The following ADAM23 variants were observed in gnomAD, a reference collection of about 807,000 sequenced individuals.
The protein encoded by ADAM23 is disintegrin and metalloproteinase domain-containing protein 23.
ADAM23 carries 33 observed loss-of-function variants against 120.1 expected under a neutral mutation model. The ratio of observed to expected loss-of-function variants is 0.27; its 90% CI spans 0.21 to 0.37. ADAM23 has a LOEUF of 0.37. ADAM23 is among the 10% of genes least tolerant of loss of function. The pLI, the probability that ADAM23 is intolerant of heterozygous loss-of-function variation, is 1.00. For missense variants in ADAM23, 862 were observed against 1,058.2 expected (o/e 0.81, Z 2.57); for synonymous variants, 367 against 375.2 (o/e 0.98, Z 0.25).
chr2:206,506,961 A>G (rs1415123561), intron 3 of ADAM23, among the ~76,000 whole-genome samples: 1 of 152,230 alleles, frequency 6.6e-6, no homozygotes, highest in Non-Finnish European at 1.5e-5. Flanking sequence ...GATGGCTGAA[A>G]TCATTTTTAA....
chr2:206,539,418 G>A (rs919645494), intron 4 of ADAM23, among the ~76,000 whole-genome samples: 10 of 152,194 alleles, frequency 6.6e-5, no homozygotes, highest in Middle Eastern at 3.2e-3. Context: ...GGTGGTCAGG[G>A]CCAGCCCTCT....
chr2:206,580,971 A>G (rs1468104451), intron 18 of ADAM23, among the ~76,000 whole-genome samples: 1 of 152,154 alleles, frequency 6.6e-6, no homozygotes, highest in Admixed American at 6.5e-5. Context: ...GAATTTATCC[A>G]TCCCTTCTAG....
intron 3 of ADAM23, among the ~76,000 whole-genome samples, chr2:206,511,567 GCATAATCAGGA>G (rs1696623998): frequency 6.6e-6 from 1 of 152,150 alleles, no homozygotes; most frequent in Non-Finnish European, 1.5e-5. Context: ...CTCCCTAGGG[GCATAATCAGGA>G]CAGTGGAGCT....
At chr2:206,566,836 A>G (rs1169095807) in intron 14 of ADAM23, among the ~76,000 whole-genome samples, 3 of 133,970 alleles carry the variant, frequency 2.2e-5, no homozygotes, top group Non-Finnish European at 4.9e-5. Context: ...AGCTCCTTTT[A>G]TTCAGAAAAC....
chr2:206,475,605 G>A (rs1296418193), intron 2 of ADAM23, among the ~76,000 whole-genome samples: 3 of 151,644 alleles, frequency 2.0e-5, no homozygotes, highest in Non-Finnish European at 2.9e-5. Context: ...AAACAGCCAC[G>A]CTGATGAAAG....
chr2:206,588,564 T>A (rs957609924), intron 20 of ADAM23, among the ~76,000 whole-genome samples: 4 of 152,244 alleles, frequency 2.6e-5, no homozygotes, highest in Non-Finnish European at 4.4e-5. Flanking sequence ...ACTTATTTTT[T>A]AAATTTTGTC....
chr2:206,603,169 ATAAAT>A (rs1698670274), intron 24 of ADAM23, among the ~76,000 whole-genome samples: 1 of 151,810 alleles, frequency 6.6e-6, no homozygotes, highest in South Asian at 2.1e-4. Flanking sequence ...TACAGAATAG[ATAAAT>A]TAGTGTAGAA....
chr2:206,493,324 T>C (rs1041982309), intron 3 of ADAM23, among the ~76,000 whole-genome samples: 6 of 152,256 alleles, frequency 3.9e-5, no homozygotes, highest in Non-Finnish European at 2.9e-5. Context: ...TGAGCCTTAA[T>C]ATAATATTTA....
intron 5 of ADAM23, 74 bp downstream of exon 5, chr2:206,542,208 G>C: frequency 1.4e-6 from 2 of 1,448,964 alleles, no homozygotes; most frequent in Non-Finnish European, 1.9e-6. Context: ...ATATATTTTA[G>C]TGACTCTTCC....
intron 24 of ADAM23, among the ~76,000 whole-genome samples, chr2:206,601,553 G>A (rs375772306): frequency 6.6e-5 from 10 of 152,142 alleles, no homozygotes; most frequent in African/African-American, 2.2e-4. Context: ...TGGGCAAATT[G>A]CCTGAGCCCA....
chr2:206,481,193 A>T, intron 2 of ADAM23, 39 bp from the exon 3 acceptor site: 1 of 1,517,078 alleles, frequency 6.6e-7, no homozygotes, highest in Non-Finnish European at 9.0e-7. Flanking sequence ...TAAAGACAGG[A>T]AAGTAAGTTA....
intron 5 of ADAM23, 32 bp downstream of exon 5, chr2:206,542,166 T>C (rs750181192): frequency 3.1e-6 from 5 of 1,598,906 alleles, no homozygotes; most frequent in Non-Finnish European, 3.4e-6. Context: ...ATTTTATTCA[T>C]TGACCCTTTC....
chr2:206,571,813 T>A lies in ADAM23; in HGVS notation c.1653T>A (p.Cys551Ter). The stretch of plus-strand genomic sequence containing the variant: ...GGCCCTGCTGTAACAATACCTCATG[T>A]CTTGTGAGTTTTCTGACAGTTTCAT... ...SDGPCCNNTSCLFQPRGYECR... is the reference protein window; with the variant it reads ...SDGPCCNNTS The change falls in exon 17 of 26, where the codon TGT (cysteine) becomes TGA (stop). Residue 551 changes from cysteine to a stop codon, truncating the protein, a stop_gained. Transcript: ENST00000264377. LOFTEE classifies it high-confidence loss of function. 1 of 1,613,430 alleles carries A rather than the reference T, an allele frequency of 6.2e-7. No individual in the cohort carries two copies. The highest frequency in any genetic ancestry group is 8.5e-7 in the Non-Finnish European group (1 of 1,179,384).
intron 3 of ADAM23, among the ~76,000 whole-genome samples, chr2:206,507,023 C>T (rs1350399246): frequency 3.3e-5 from 5 of 152,178 alleles, no homozygotes. Flanking sequence ...TGGATTGTAC[C>T]TTACCTTGCA....
At chr2:206,524,888 G>A (rs906213415) in intron 3 of ADAM23, among the ~76,000 whole-genome samples, 2 of 152,180 alleles carry the variant, frequency 1.3e-5, no homozygotes, top group African/African-American at 4.8e-5. Context: ...AAAGCAACTG[G>A]AGGAGAGGAC....
In ADAM23 at chr2:206,562,194, GA is replaced by G; in HGVS notation, c.1255-4del. ...ATGTCTCCCACACACTTTCAACTCT[GA>G]AAAACAGTATGGTCTTCCAATGGCA... On this transcript the variant is annotated splice_region_variant and splice_polypyrimidine_tract_variant and intron_variant, in intron 12 of 25. Transcript: ENST00000264377. 2 of 1,612,986 alleles carry G rather than the reference GA, an allele frequency of 1.2e-6. No homozygotes were observed. The highest frequency in any genetic ancestry group is 1.1e-5 in the South Asian group (1 of 91,026).
intron 18 of ADAM23, among the ~76,000 whole-genome samples, chr2:206,578,181 AT>A (rs869295181): frequency 7.6e-6 from 1 of 130,986 alleles, no homozygotes; most frequent in African/African-American, 2.8e-5. Flanking sequence ...AGTTTTATTT[AT>A]TTTTTAACAT....
chr2:206,533,772 C>G (rs533367586), intron 4 of ADAM23, among the ~76,000 whole-genome samples: 8 of 152,140 alleles, frequency 5.3e-5, no homozygotes, highest in Non-Finnish European at 1.0e-4. Flanking sequence ...ACTTTTATTG[C>G]ATGGACATGG....
At chr2:206,476,076 G>A (rs1240314377) in intron 2 of ADAM23, among the ~76,000 whole-genome samples, 1 of 152,020 alleles carries the variant, frequency 6.6e-6, no homozygotes, top group African/African-American at 2.4e-5. Flanking sequence ...ACTGACTTTT[G>A]CGGTCTCTAA....
Sources: allele counts gnomAD v4.1 joint callset (sites outside exome capture counted in the v4.1 genomes callset), GRCh38; gene constraint gnomAD v4.1.1; transcripts MANE v1.5; gene names NCBI Gene and HGNC (gene_info 2026-07-23, HGNC 2026-07-21).